RBFOX3: variants seen among roughly 807,000 people sequenced by gnomAD.
The protein encoded by RBFOX3 is RNA binding protein fox-1 homolog 3.
RBFOX3 carries 17 observed loss-of-function variants against 48.7 expected under a neutral mutation model. The observed-to-expected ratio is 0.35, with a 90% CI of 0.24 to 0.52. The LOEUF (loss-of-function observed/expected upper bound fraction) is 0.52, where lower values mean the gene tolerates loss of function less well. Among genes scored for constraint, RBFOX3 ranks in the 20% least tolerant of loss-of-function variants. The pLI is 0.94. For synonymous variants in RBFOX3, 212 were observed against 209.5 expected (o/e 1.01, Z -0.10); for missense variants, 382 against 497.5 (o/e 0.77, Z 2.21).
chr17:79,207,398 C>T (rs150025357), intron 4 of RBFOX3, among the ~76,000 whole-genome samples: 118 of 152,354 alleles, frequency 7.7e-4, no homozygotes, highest in African/African-American at 2.7e-3. Context: ...TGCTCAGTGG[C>T]CTGAGGCCAG....
chr17:79,229,221 A>T, intron 4 of RBFOX3, among the ~76,000 whole-genome samples: 1 of 102,318 alleles, frequency 9.8e-6, no homozygotes. Flanking sequence ...AGTGTGAATG[A>T]GACTCTGTCA....
chr17:79,653,873 T>A, the RBFOX3 span, among the ~76,000 whole-genome samples: 5 of 141,280 alleles, frequency 3.5e-5, no homozygotes, highest in Non-Finnish European at 6.0e-5. Flanking sequence ...CAGGACCCTG[T>A]CTCTACCACC....
At chr17:79,159,881 C>T (rs1293017483) in intron 4 of RBFOX3, among the ~76,000 whole-genome samples, 5 of 152,220 alleles carry the variant, frequency 3.3e-5, no homozygotes, top group African/African-American at 9.6e-5. Context: ...AGCTGCAAAA[C>T]GGCTCAGAGG....
intron 3 of RBFOX3, among the ~76,000 whole-genome samples, chr17:79,253,658 A>C (rs570467429): frequency 1.4e-4 from 21 of 152,208 alleles, no homozygotes; most frequent in African/African-American, 4.8e-4. Context: ...GAAAGGGGAG[A>C]CATCTCTGGA....
chr17:79,156,413 C>T (rs563712391), intron 4 of RBFOX3, among the ~76,000 whole-genome samples: 65 of 152,228 alleles, frequency 4.3e-4, no homozygotes, highest in African/African-American at 1.5e-3. Flanking sequence ...ACAGTGACCC[C>T]AGAGGCCTGG....
At chr17:79,539,251 C>A (rs1371013386) in intron 1 of RBFOX3, among the ~76,000 whole-genome samples, 2 of 152,114 alleles carry the variant, frequency 1.3e-5, no homozygotes, top group African/African-American at 4.8e-5. Flanking sequence ...ACTTGGGAGG[C>A]TGAGGTGGGA....
intron 4 of RBFOX3, among the ~76,000 whole-genome samples, chr17:79,223,531 A>C (rs146801665): frequency 2.0e-3 from 307 of 152,328 alleles, no homozygotes; most frequent in African/African-American, 6.8e-3. Context: ...TTGTCCCTGC[A>C]GATCCTGGCA....
intron 1 of RBFOX3, among the ~76,000 whole-genome samples, chr17:79,588,164 T>G (rs1204766211): frequency 6.6e-6 from 1 of 152,200 alleles, no homozygotes; most frequent in African/African-American, 2.4e-5. Context: ...CATAGGAGTT[T>G]CCAGGTGGGA....
intron 2 of RBFOX3, among the ~76,000 whole-genome samples, chr17:79,342,154 C>T (rs529475289): frequency 6.6e-6 from 1 of 152,294 alleles, no homozygotes; most frequent in Admixed American, 6.5e-5. Flanking sequence ...GTTTTTATTT[C>T]GTGTAATATT....
intron 1 of RBFOX3, among the ~76,000 whole-genome samples, chr17:79,512,753 T>C (rs542242209): frequency 9.5e-5 from 14 of 147,756 alleles, no homozygotes; most frequent in African/African-American, 3.0e-4. Context: ...TACGGCCCCA[T>C]GGCCAGGGGA....
At chr17:79,244,274 C>T (rs1315419521) in intron 3 of RBFOX3, among the ~76,000 whole-genome samples, 1 of 152,088 alleles carries the variant, frequency 6.6e-6, no homozygotes, top group African/African-American at 2.4e-5. Flanking sequence ...AGTGATGTAG[C>T]CACAGGCTAG....
chr17:79,123,931 G>A (rs183950565), intron 4 of RBFOX3, among the ~76,000 whole-genome samples: 8 of 152,330 alleles, frequency 5.3e-5, no homozygotes, highest in East Asian at 1.9e-4. Flanking sequence ...TACCACGAAC[G>A]CCATTTTTAC....
intron 4 of RBFOX3, among the ~76,000 whole-genome samples, chr17:79,154,605 G>C (rs2045351167): frequency 6.6e-6 from 1 of 152,262 alleles, no homozygotes; most frequent in South Asian, 2.1e-4. Context: ...TGGCTGCCCA[G>C]CCGGGCATGA....
chr17:79,161,020 C>A (rs532673435), intron 4 of RBFOX3, among the ~76,000 whole-genome samples: 3 of 151,186 alleles, frequency 2.0e-5, no homozygotes, highest in South Asian at 2.1e-4. Flanking sequence ...GTGGGCTGGG[C>A]ACAGTGCTAA....
At chr17:79,264,094 CTTTT>C (rs559845696) in intron 3 of RBFOX3, among the ~76,000 whole-genome samples, 1 of 141,778 alleles carries the variant, frequency 7.1e-6, no homozygotes. Flanking sequence ...CTGTTGGCAT[CTTTT>C]TTTTTTTTTT....
intron 1 of RBFOX3, among the ~76,000 whole-genome samples, chr17:79,530,779 G>A (rs974597810): frequency 1.3e-5 from 2 of 152,190 alleles, no homozygotes; most frequent in Admixed American, 6.5e-5. Flanking sequence ...CACATGCCGC[G>A]GGACCACAGA....
At chr17:79,155,175 C>G (rs368095457) in intron 4 of RBFOX3, among the ~76,000 whole-genome samples, 1 of 152,268 alleles carries the variant, frequency 6.6e-6, no homozygotes, top group African/African-American at 2.4e-5. Flanking sequence ...CCTCCCCGCC[C>G]GGGGCTCTGT....
chr17:79,564,590 G>A (rs911253879), intron 1 of RBFOX3, among the ~76,000 whole-genome samples: 7 of 152,232 alleles, frequency 4.6e-5, no homozygotes, highest in Admixed American at 1.3e-4. Flanking sequence ...AATCAGAGGC[G>A]CAGACCAAGA....
intron 1 of RBFOX3, among the ~76,000 whole-genome samples, chr17:79,556,863 T>C (rs953630478): frequency 2.0e-5 from 3 of 151,742 alleles, no homozygotes; most frequent in African/African-American, 4.8e-5. Flanking sequence ...CTAGCAGGGG[T>C]TGCTGCTGCC....
Sources: allele counts gnomAD v4.1 joint callset (sites outside exome capture counted in the v4.1 genomes callset), GRCh38; gene constraint gnomAD v4.1.1; transcripts MANE v1.5; gene names NCBI Gene and HGNC (gene_info 2026-07-23, HGNC 2026-07-21).